The following KCNB2 variants were observed in gnomAD, a reference collection of about 807,000 sequenced individuals.
KCNB2 encodes potassium voltage-gated channel subfamily B member 2, also known as delayed rectifier potassium channel protein.
A neutral mutation model predicts 61.5 loss-of-function variants in KCNB2; 15 were observed. The ratio of observed to expected loss-of-function variants is 0.24; its 90% CI spans 0.16 to 0.38. The LOEUF (loss-of-function observed/expected upper bound fraction) is 0.38, where lower values mean the gene tolerates loss of function less well. KCNB2 is among the 10% of genes least tolerant of loss of function. The probability of loss-of-function intolerance (pLI) is 1.00; values close to 1 mark genes in which losing one functional copy is unlikely to be tolerated. For missense variants in KCNB2, 828 were observed against 1,125.2 expected (o/e 0.74, Z 3.78); for synonymous variants, 457 against 446.0 (o/e 1.02, Z -0.31).
chr8:72,817,218 G>A (rs1273341635), intron 2 of KCNB2, among the ~76,000 whole-genome samples: 2 of 152,132 alleles, frequency 1.3e-5, no homozygotes, highest in Non-Finnish European at 2.9e-5. Context: ...TTCTGAAAGA[G>A]GAAATTGTGA....
intron 2 of KCNB2, among the ~76,000 whole-genome samples, chr8:72,618,287 A>G (rs1054791861): frequency 6.6e-6 from 1 of 152,136 alleles, no homozygotes; most frequent in Non-Finnish European, 1.5e-5. Flanking sequence ...TAGTGCCCCC[A>G]AATTATTTTT....
At chr8:72,577,538 G>A (rs1806817709) in intron 2 of KCNB2, among the ~76,000 whole-genome samples, 1 of 152,118 alleles carries the variant, frequency 6.6e-6, no homozygotes, top group Non-Finnish European at 1.5e-5. Flanking sequence ...AAAATTCATA[G>A]GAAGTGCTCT....
intron 2 of KCNB2, among the ~76,000 whole-genome samples, chr8:72,625,171 A>G (rs1805770706): frequency 6.6e-6 from 1 of 152,146 alleles, no homozygotes; most frequent in South Asian, 2.1e-4. Flanking sequence ...CTGTTGTTTT[A>G]AGTCACTGAG....
At chr8:72,708,070 G>A (rs1240792697) in intron 2 of KCNB2, among the ~76,000 whole-genome samples, 2 of 152,148 alleles carry the variant, frequency 1.3e-5, no homozygotes, top group South Asian at 2.1e-4. Flanking sequence ...CCAGACCAAT[G>A]TGACACCATA....
intron 2 of KCNB2, among the ~76,000 whole-genome samples, chr8:72,761,871 A>G (rs1393378061): frequency 6.6e-6 from 1 of 152,202 alleles, no homozygotes; most frequent in Non-Finnish European, 1.5e-5. Flanking sequence ...TACTTGCAAA[A>G]GTATATCCCC....
chr8:72,709,735 A>T (rs182740149), intron 2 of KCNB2, among the ~76,000 whole-genome samples: 1 of 152,026 alleles, frequency 6.6e-6, no homozygotes, highest in African/African-American at 2.4e-5. Context: ...TGGGGATTAC[A>T]TTTCAACATG....
chr8:72,574,327 T>G (rs567621755), intron 2 of KCNB2, among the ~76,000 whole-genome samples: 3 of 152,280 alleles, frequency 2.0e-5, no homozygotes, highest in Admixed American at 2.0e-4. Flanking sequence ...GAGGAAGTCA[T>G]AAAAAGCTCA....
chr8:72,883,637 G>A (rs1198415695), intron 2 of KCNB2, among the ~76,000 whole-genome samples: 2 of 152,168 alleles, frequency 1.3e-5, no homozygotes, highest in Admixed American at 6.5e-5. Context: ...AAGGATAGCT[G>A]AAGCTCCCCC....
At position 72,860,292 on chromosome 8, in the gene KCNB2, T is replaced by C. The variant is rs12114461; in HGVS notation, c.580-75643T>C. Among the ~76,000 whole-genome samples, 484 of 152,354 alleles carry C rather than the reference T, an allele frequency of 3.2e-3. 2 individuals carry two copies. Among genetic ancestry groups the C allele is most frequent in the African/African-American group, 0.011 (451 of 41,586 alleles). On this transcript the variant is annotated intron_variant, in intron 2 of 2. Coordinates refer to ENST00000523207, the MANE Select transcript of KCNB2 (RefSeq NM_004770.3). ...ATGAGGCTCCATCATTTTACATTCC[T>C]ACCAGTAAGTAGTATATGAAGAGTC...
chr8:72,577,323 GAA>G (rs1204784704), intron 2 of KCNB2, among the ~76,000 whole-genome samples: 1 of 151,940 alleles, frequency 6.6e-6, no homozygotes, highest in Non-Finnish European at 1.5e-5. Flanking sequence ...GTGTGTGTGA[GAA>G]AGAGATAGAG....
In KCNB2 at chr8:72,937,144, A is replaced by T. The variant is rs1042610721; in HGVS notation, c.1789A>T (p.Met597Leu). 6.2e-7 allele frequency: 1 copy of T among 1,614,178 alleles called. No individual in the cohort carries two copies. Among genetic ancestry groups the T allele is most frequent in the Admixed American group, 1.7e-5 (1 of 60,024 alleles). ...AVAQTEVIVDMKSTSSIDSFT... is the reference protein window; with the variant it reads ...AVAQTEVIVDLKSTSSIDSFT... Reference sequence around the variant, plus strand: ...GGCACAGACCGAGGTCATTGTGGACATGAAGAGCACCTCCAGCATCGACAG... The same window carrying T: ...GGCACAGACCGAGGTCATTGTGGACTTGAAGAGCACCTCCAGCATCGACAG... The change falls in exon 3 of 3, where the codon ATG becomes TTG. Residue 597 changes from methionine (M) to leucine (L), a missense_variant. Physicochemically the swap from Met to Leu is conservative, Grantham distance 15 (BLOSUM62 2). This residue lies in a region of KCNB2 where 559 missense variants were observed against 588.4 expected (regional missense o/e 0.95). Coordinates refer to ENST00000523207, the MANE Select transcript of KCNB2 (RefSeq NM_004770.3).
intron 2 of KCNB2, among the ~76,000 whole-genome samples, chr8:72,663,979 G>T (rs1276255702): frequency 6.6e-6 from 1 of 152,150 alleles, no homozygotes; most frequent in Non-Finnish European, 1.5e-5. Context: ...TTCAAAGGGA[G>T]CCCTGCCTTA....
intron 2 of KCNB2, among the ~76,000 whole-genome samples, chr8:72,773,209 A>G (rs1418453939): frequency 6.6e-6 from 1 of 152,202 alleles, no homozygotes; most frequent in Non-Finnish European, 1.5e-5. Context: ...ATAGATGAGA[A>G]TCAGTCACTC....
At chr8:72,676,262 A>C (rs1010124884) in intron 2 of KCNB2, among the ~76,000 whole-genome samples, 19 of 152,266 alleles carry the variant, frequency 1.2e-4, no homozygotes, top group African/African-American at 4.3e-4. Flanking sequence ...TTTAAATCAG[A>C]AAGTAATTGG....
chr8:72,554,745 T>G (rs1806397531), intron 1 of KCNB2, among the ~76,000 whole-genome samples: 1 of 152,106 alleles, frequency 6.6e-6, no homozygotes, highest in Non-Finnish European at 1.5e-5. Context: ...TGACCATAAA[T>G]CTTGAATACT....
intron 2 of KCNB2, among the ~76,000 whole-genome samples, chr8:72,615,333 C>T (rs1450093715): frequency 6.6e-6 from 1 of 152,156 alleles, no homozygotes; most frequent in African/African-American, 2.4e-5. Flanking sequence ...TTAATACCGA[C>T]TGCTACATGG....
chr8:72,892,191 A>G (rs1805907375), intron 2 of KCNB2, among the ~76,000 whole-genome samples: 1 of 152,182 alleles, frequency 6.6e-6, no homozygotes, highest in African/African-American at 2.4e-5. Flanking sequence ...GGATTGGTTC[A>G]AAATTAGTAT....
intron 2 of KCNB2, among the ~76,000 whole-genome samples, chr8:72,777,765 A>C (rs1808680164): frequency 6.6e-6 from 1 of 152,224 alleles, no homozygotes; most frequent in Non-Finnish European, 1.5e-5. Context: ...GAAGTAGTAT[A>C]ATACAGGACA....
At chr8:72,708,414 T>C (rs993607833) in intron 2 of KCNB2, among the ~76,000 whole-genome samples, 1 of 152,204 alleles carries the variant, frequency 6.6e-6, no homozygotes, top group African/African-American at 2.4e-5. Flanking sequence ...TTTGCTGAGA[T>C]CATCCAAAAT....
Sources: gnomAD v4.1 joint callset for allele counts (sites outside exome capture counted in the v4.1 genomes callset) on GRCh38, gnomAD v4.1.1 for gene constraint, gnomAD v4.1.1 regional missense constraint, MANE v1.5 for transcripts, NCBI Gene and HGNC (gene_info 2026-07-23, HGNC 2026-07-21) for gene names.